RBFOX1: variants seen among roughly 807,000 people sequenced by gnomAD.
The protein encoded by RBFOX1 is RNA binding fox-1 homolog 1.
In RBFOX1, 8 loss-of-function variants were observed where a neutral mutation model predicts 57.7. The observed-to-expected ratio is 0.14, with a 90% CI of 0.08 to 0.25. RBFOX1 has a LOEUF of 0.25. Among genes scored for constraint, RBFOX1 ranks in the 10% least tolerant of loss-of-function variants. The probability of loss-of-function intolerance (pLI) is 1.00; values close to 1 mark genes in which losing one functional copy is unlikely to be tolerated. For missense variants in RBFOX1, 611 were observed against 548.5 expected (o/e 1.11, Z -1.14); for synonymous variants, 326 against 222.4 (o/e 1.47, Z -4.15).
rs534407480 is a variant in RBFOX1, at chr16:7,567,391, C to CTA, written c.271-12374_271-12373dup. 1.1e-3 allele frequency among the ~76,000 whole-genome samples: 143 copies of CTA among 131,204 alleles called. 4 individuals are homozygous for CTA. Among genetic ancestry groups the CTA allele is most frequent in the African/African-American group, 3.8e-3 (127 of 33,342 alleles). The allele number at this position is 131,204 out of a possible 152,430, so 86.1% of individuals were successfully genotyped here. The stretch of plus-strand genomic sequence containing the variant: ...TATATATATATCCCTATGTATGGCC[C>CTA]TATATATATATATCCCTATATATAT... On this transcript the variant is annotated intron_variant, in intron 5 of 15. Coordinates refer to ENST00000550418, the MANE Select transcript of RBFOX1 (RefSeq NM_018723.4).
At chr16:6,621,525 A>G (rs1177651834) in intron 2 of RBFOX1, among the ~76,000 whole-genome samples, 1 of 152,182 alleles carries the variant, frequency 6.6e-6, no homozygotes, top group Non-Finnish European at 1.5e-5. Context: ...GCTGTACCCT[A>G]AATCAAAAAT....
intron 3 of RBFOX1, among the ~76,000 whole-genome samples, chr16:6,919,704 T>C (rs1367341969): frequency 6.6e-6 from 1 of 151,922 alleles, no homozygotes; most frequent in East Asian, 1.9e-4. Flanking sequence ...TCAGCACTGA[T>C]ATATTGTATG....
intron 3 of RBFOX1, among the ~76,000 whole-genome samples, chr16:6,701,275 G>A (rs1049901995): frequency 6.6e-6 from 1 of 152,290 alleles, no homozygotes; most frequent in Middle Eastern, 3.4e-3. Flanking sequence ...GCTGACGCAG[G>A]CCCTGAAGGG....
intron 1 of RBFOX1, among the ~76,000 whole-genome samples, chr16:5,445,308 C>A (rs1341918397): frequency 2.0e-5 from 3 of 152,142 alleles, no homozygotes; most frequent in African/African-American, 7.2e-5. Context: ...TTTTCCTCCT[C>A]ACTCTTCAAA....
intron 1 of RBFOX1, among the ~76,000 whole-genome samples, chr16:5,419,496 C>T (rs1035547523): frequency 1.3e-5 from 2 of 151,932 alleles, no homozygotes; most frequent in African/African-American, 4.8e-5. Context: ...CTTTCCCAGT[C>T]CACTGGCACA....
chr16:6,460,098 G>GCCATAATA (rs1462997485), intron 2 of RBFOX1, among the ~76,000 whole-genome samples: 3 of 147,342 alleles, frequency 2.0e-5, no homozygotes, highest in Non-Finnish European at 4.5e-5. Flanking sequence ...GCTTGGGGCT[G>GCCATAATA]CCATAATACA....
intron 4 of RBFOX1, among the ~76,000 whole-genome samples, chr16:7,414,370 A>T (rs890336888): frequency 1.3e-5 from 2 of 152,212 alleles, no homozygotes; most frequent in Admixed American, 1.3e-4. Context: ...TGGTGGTCAA[A>T]AGTCTTTCTG....
intron 4 of RBFOX1, among the ~76,000 whole-genome samples, chr16:7,290,540 A>T (rs1198854801): frequency 6.6e-6 from 1 of 152,224 alleles, no homozygotes; most frequent in African/African-American, 2.4e-5. Flanking sequence ...AAATGAATTA[A>T]CCAACTAGTA....
At chr16:6,881,997 T>A (rs575030591) in intron 3 of RBFOX1, among the ~76,000 whole-genome samples, 204 of 152,278 alleles carry the variant, frequency 1.3e-3, no homozygotes, top group Admixed American at 3.1e-3. Context: ...GAAATTTTTT[T>A]AAAAAAACTA....
At chr16:7,481,707 TGACTTAG>T (rs1285145190) in intron 4 of RBFOX1, among the ~76,000 whole-genome samples, 1 of 152,208 alleles carries the variant, frequency 6.6e-6, no homozygotes, top group Non-Finnish European at 1.5e-5. Context: ...AGATACTCCT[TGACTTAG>T]GATGGGATCA....
intron 14 of RBFOX1, among the ~76,000 whole-genome samples, chr16:7,698,090 G>A (rs949997179): frequency 2.0e-5 from 3 of 152,066 alleles, no homozygotes; most frequent in African/African-American, 7.2e-5. Context: ...TCTTTTTGCT[G>A]AAAGTTAGTG....
chr16:7,277,344 A>G (rs536461405), intron 4 of RBFOX1, among the ~76,000 whole-genome samples: 2 of 152,206 alleles, frequency 1.3e-5, no homozygotes, highest in South Asian at 2.1e-4. Flanking sequence ...GTTTGTATGT[A>G]GATATCTCCT....
intron 2 of RBFOX1, among the ~76,000 whole-genome samples, chr16:6,542,990 T>C (rs2096844757): frequency 6.6e-6 from 1 of 152,174 alleles, no homozygotes; most frequent in African/African-American, 2.4e-5. Context: ...CCCTACTCTT[T>C]ATCATTCCTC....
intron 4 of RBFOX1, among the ~76,000 whole-genome samples, chr16:7,242,663 C>G (rs999015916): frequency 6.6e-6 from 1 of 152,164 alleles, no homozygotes; most frequent in Admixed American, 6.5e-5. Flanking sequence ...AGTCCAACAT[C>G]CGTGCTTCGT....
At chr16:7,316,472 C>G (rs1348775254) in intron 4 of RBFOX1, among the ~76,000 whole-genome samples, 1 of 152,168 alleles carries the variant, frequency 6.6e-6, no homozygotes, top group Non-Finnish European at 1.5e-5. Flanking sequence ...AATTTACTCA[C>G]TCATTCATGC....
Position 6,166,155 on chromosome 16 carries a change from C to T in RBFOX1, c.-127+146163C>T, listed in dbSNP as rs140344048. ...GGCTTCTGGTTCCCCAAGTAGAAAGCATCTTAGTTGGCAATTCAGTCACTG... is the reference window on the plus strand; with the variant it reads ...GGCTTCTGGTTCCCCAAGTAGAAAGTATCTTAGTTGGCAATTCAGTCACTG... On this transcript the variant is annotated intron_variant, in intron 1 of 15. Coordinates refer to ENST00000550418, the MANE Select transcript of RBFOX1 (RefSeq NM_018723.4). 2.5e-4 allele frequency among the ~76,000 whole-genome samples: 38 copies of T among 152,238 alleles called. No individual in the cohort carries two copies. In the Middle Eastern group the frequency reaches 0.02, roughly 82 times the overall value.
intron 2 of RBFOX1, among the ~76,000 whole-genome samples, chr16:5,470,666 A>C (rs2069104935): frequency 6.6e-6 from 1 of 151,966 alleles, no homozygotes; most frequent in African/African-American, 2.4e-5. Flanking sequence ...TTTTTCTACC[A>C]TGGAGTGCAG....
chr16:7,554,701 C>G (rs12596617), intron 5 of RBFOX1, among the ~76,000 whole-genome samples: 8,069 of 151,830 alleles, frequency 0.053, 263 homozygotes, highest in East Asian at 0.13. Context: ...TATAACTTAA[C>G]TATTCCCAAT....
intron 1 of RBFOX1, among the ~76,000 whole-genome samples, chr16:5,250,307 CA>C: frequency 7.6e-6 from 1 of 130,996 alleles, no homozygotes; most frequent in East Asian, 2.1e-4. Context: ...GCAGAATGTG[CA>C]GGTTTGTTAC....
Sources: allele counts gnomAD v4.1 joint callset (sites outside exome capture counted in the v4.1 genomes callset), GRCh38; gene constraint gnomAD v4.1.1; transcripts MANE v1.5; gene names NCBI Gene and HGNC (gene_info 2026-07-23, HGNC 2026-07-21).